The following IKBKB-DT variants were observed in gnomAD, a reference collection of about 807,000 sequenced individuals.
IKBKB-DT encodes the protein IKBKB divergent transcript, also known as IKBKB antisense RNA.
intron 3 of IKBKB-DT, among the ~76,000 whole-genome samples, chr8:42,259,119 G>A (rs1807247472): frequency 2.0e-5 from 3 of 151,934 alleles, no homozygotes; most frequent in South Asian, 2.1e-4. Flanking sequence ...TCTGCCTCTC[G>A]GGTTCAAGCG....
intron 3 of IKBKB-DT, among the ~76,000 whole-genome samples, chr8:42,258,590 T>G (rs1807239485): frequency 1.3e-5 from 2 of 151,988 alleles, no homozygotes; most frequent in Admixed American, 6.6e-5. Flanking sequence ...TGCCTCAGCC[T>G]CCCGAGTAGC....
chr8:42,266,607 C>T (rs1265062736), intron 1 of IKBKB-DT, among the ~76,000 whole-genome samples: 1 of 152,150 alleles, frequency 6.6e-6, no homozygotes, highest in Non-Finnish European at 1.5e-5. Flanking sequence ...AGGCTGAGAC[C>T]TACTGGGCTG....
At position 42,255,083 on chromosome 8, in the gene IKBKB-DT, T is replaced by C. The variant is rs113875737; in HGVS notation, n.1529+8246A>G. Among the ~76,000 whole-genome samples, 529 of 139,678 alleles carry C rather than the reference T, an allele frequency of 3.8e-3. 5 individuals carry two copies. Among genetic ancestry groups the C allele is most frequent in the Middle Eastern group, 0.034 (7 of 208 alleles). The allele number at this position is 139,678 out of a possible 152,430, so 91.6% of individuals were successfully genotyped here. The stretch of plus-strand genomic sequence containing the variant: ...CAAGTGAAGAGCGCCGCTGCCCAGC[T>C]GCCCCACTGTCTGGGAAGTGAGGAG... On this transcript the variant is annotated intron_variant and non_coding_transcript_variant, in intron 3 of 3. Transcript: ENST00000518213.
intron 1 of IKBKB-DT, among the ~76,000 whole-genome samples, chr8:42,266,983 T>C (rs1292821883): frequency 6.6e-6 from 1 of 151,042 alleles, no homozygotes; most frequent in Non-Finnish European, 1.5e-5. Flanking sequence ...TTTACCTTCT[T>C]TTTTTGTTTG....
At chr8:42,234,025 G>C (rs1806887636) in intron 3 of IKBKB-DT, among the ~76,000 whole-genome samples, 1 of 152,190 alleles carries the variant, frequency 6.6e-6, no homozygotes, top group South Asian at 2.1e-4. Context: ...TTCTAATCTT[G>C]TGGCTAATGT....
intron 3 of IKBKB-DT, among the ~76,000 whole-genome samples, chr8:42,248,572 G>C (rs1053862073): frequency 6.6e-6 from 1 of 152,120 alleles, no homozygotes; most frequent in Non-Finnish European, 1.5e-5. Flanking sequence ...AATTGGGTGG[G>C]TATGCCTTTT....
chr8:42,255,729 A>G (rs1807190552), intron 3 of IKBKB-DT, among the ~76,000 whole-genome samples: 1 of 152,178 alleles, frequency 6.6e-6, no homozygotes, highest in Non-Finnish European at 1.5e-5. Context: ...TGAATTTATG[A>G]AAATAACTAT....
intron 1 of IKBKB-DT, among the ~76,000 whole-genome samples, chr8:42,267,081 A>G (rs924415635): frequency 1.7e-4 from 25 of 150,802 alleles, no homozygotes; most frequent in African/African-American, 6.1e-4. Context: ...GCTCACTGCA[A>G]GATCCATCCA....
intron 1 of IKBKB-DT, among the ~76,000 whole-genome samples, chr8:42,267,861 A>C (rs1807395540): frequency 6.6e-6 from 1 of 152,140 alleles, no homozygotes; most frequent in South Asian, 2.1e-4. Context: ...TTCCTGGTCC[A>C]TGATTAATTG....
intron 3 of IKBKB-DT, among the ~76,000 whole-genome samples, chr8:42,261,576 A>G (rs1330919345): frequency 6.6e-6 from 1 of 152,208 alleles, no homozygotes; most frequent in Non-Finnish European, 1.5e-5. Flanking sequence ...AACCGAGGTT[A>G]TTTCTGTAAA....
At chr8:42,257,930 C>CTT (rs771867322) in intron 3 of IKBKB-DT, among the ~76,000 whole-genome samples, 6 of 140,664 alleles carry the variant, frequency 4.3e-5, no homozygotes, top group African/African-American at 1.0e-4. Flanking sequence ...ATACAGTTTT[C>CTT]TTTTTTTTTT....
chr8:42,247,089 G>C (rs760077659), intron 3 of IKBKB-DT, among the ~76,000 whole-genome samples: 1 of 152,106 alleles, frequency 6.6e-6, no homozygotes, highest in Non-Finnish European at 1.5e-5. Context: ...TAGATCCACC[G>C]ACAGCTTGCA....
intron 3 of IKBKB-DT, among the ~76,000 whole-genome samples, chr8:42,259,216 G>C (rs1000955576): frequency 6.6e-6 from 1 of 151,974 alleles, no homozygotes; most frequent in Admixed American, 6.6e-5. Flanking sequence ...GTAGAGACAG[G>C]GTTTCTCCAG....
intron 3 of IKBKB-DT, among the ~76,000 whole-genome samples, chr8:42,236,618 G>A (rs535112298): frequency 2.0e-5 from 3 of 152,214 alleles, no homozygotes; most frequent in African/African-American, 7.2e-5. Flanking sequence ...TTAGCCGGGC[G>A]TGGTGACGCA....
intron 2 of IKBKB-DT, among the ~76,000 whole-genome samples, chr8:42,264,329 A>AT (rs1047410413): frequency 1.1e-4 from 17 of 150,414 alleles, no homozygotes; most frequent in Middle Eastern, 3.6e-3. Flanking sequence ...TAATATTTTG[A>AT]TTTTTTTGTA....
At chr8:42,238,984 A>G (rs1806963015) in intron 3 of IKBKB-DT, among the ~76,000 whole-genome samples, 1 of 152,054 alleles carries the variant, frequency 6.6e-6, no homozygotes, top group Non-Finnish European at 1.5e-5. Context: ...CTACTGCAAC[A>G]CTGCTGTCTC....
chr8:42,239,611 A>AATTTATATAT (rs1322448164), intron 3 of IKBKB-DT, among the ~76,000 whole-genome samples: 2 of 7,796 alleles, frequency 2.6e-4, no homozygotes, highest in African/African-American at 1.1e-3. Flanking sequence ...TGTAAAAGGC[A>AATTTATATAT]ATTTATATAT....
chr8:42,264,985 C>T (rs976184426), intron 2 of IKBKB-DT, among the ~76,000 whole-genome samples: 5 of 151,828 alleles, frequency 3.3e-5, no homozygotes, highest in African/African-American at 1.2e-4. Flanking sequence ...GCCTCAGTCT[C>T]CCGAGTAACT....
intron 3 of IKBKB-DT, among the ~76,000 whole-genome samples, chr8:42,234,693 A>C (rs370059831): frequency 1.2e-4 from 19 of 152,060 alleles, no homozygotes; most frequent in African/African-American, 4.6e-4. Context: ...GCAGTGGTGC[A>C]ATCTTGGCTC....
Sources: gnomAD v4.1 joint callset for allele counts (sites outside exome capture counted in the v4.1 genomes callset) on GRCh38, gnomAD v4.1.1 for gene constraint, MANE v1.5 for transcripts, NCBI Gene and HGNC (gene_info 2026-07-23, HGNC 2026-07-21) for gene names.